The following RIT2 variants were observed in gnomAD, a reference collection of about 807,000 sequenced individuals.
The protein encoded by RIT2 is GTP-binding protein Rit2.
Under a neutral mutation model 23.7 loss-of-function variants are expected in RIT2, and 24 were observed. The observed-to-expected ratio is 1.01, with a 90% confidence interval of 0.73 to 1.43. The LOEUF (loss-of-function observed/expected upper bound fraction) is 1.43, where lower values mean the gene tolerates loss of function less well. Among genes scored for constraint, RIT2 ranks in the 40% most tolerant of loss-of-function variants. The pLI is 0.00. For synonymous variants in RIT2, 107 were observed against 91.1 expected (o/e 1.17, Z -0.99); for missense variants, 236 against 266.9 (o/e 0.88, Z 0.81).
intron 2 of RIT2, among the ~76,000 whole-genome samples, chr18:43,018,552 AC>A (rs893787736): frequency 2.0e-5 from 3 of 151,896 alleles, no homozygotes; most frequent in Admixed American, 1.3e-4. Context: ...ATAGAAGGGA[AC>A]CCCCATCAGA....
rs115746934 is a variant in RIT2, at chr18:43,076,507, A to C, written c.103+38910T>G. Among the ~76,000 whole-genome samples, 695 of 152,278 alleles carry C rather than the reference A, an allele frequency of 4.6e-3. 6 individuals are homozygous for C. The highest frequency in any genetic ancestry group is 0.016 in the African/African-American group (666 of 41,538). ...TGATGTATATGTTGTGTTGTGAGGA[A>C]AGAGGAGTGTAGGGGTGACCAGAAA... On this transcript the variant is annotated intron_variant, in intron 1 of 4. Transcript: ENST00000326695.
At chr18:43,005,959 G>A (rs1228359922) in intron 2 of RIT2, among the ~76,000 whole-genome samples, 1 of 151,740 alleles carries the variant, frequency 6.6e-6, no homozygotes, top group Non-Finnish European at 1.5e-5. Flanking sequence ...AATGAAGATG[G>A]TGAAGTAGAA....
intron 4 of RIT2, among the ~76,000 whole-genome samples, chr18:42,829,070 C>T (rs1598671685): frequency 1.3e-5 from 2 of 152,194 alleles, no homozygotes; most frequent in East Asian, 1.9e-4. Flanking sequence ...TCCTGGGATC[C>T]TTCCTGGATC....
chr18:42,905,469 G>GTTGT (rs936602970), intron 4 of RIT2, among the ~76,000 whole-genome samples: 2 of 152,044 alleles, frequency 1.3e-5, no homozygotes, highest in Admixed American at 6.6e-5. Context: ...GAAAAACATG[G>GTTGT]TTGTTTGTTT....
At chr18:42,831,569 C>T (rs1906458012) in intron 4 of RIT2, among the ~76,000 whole-genome samples, 1 of 151,886 alleles carries the variant, frequency 6.6e-6, no homozygotes, top group African/African-American at 2.4e-5. Flanking sequence ...GGACACGGGG[C>T]TTGTTTGAGG....
intron 1 of RIT2, among the ~76,000 whole-genome samples, chr18:43,078,548 C>T (rs2144344626): frequency 6.6e-6 from 1 of 152,184 alleles, no homozygotes; most frequent in East Asian, 1.9e-4. Context: ...TTCCTTTAAG[C>T]CTCATGGATC....
chr18:42,775,068 C>T (rs770681972), intron 4 of RIT2, among the ~76,000 whole-genome samples: 31 of 152,074 alleles, frequency 2.0e-4, no homozygotes, highest in Non-Finnish European at 3.8e-4. Flanking sequence ...ATTGATATAA[C>T]AGGGAGTCCA....
chr18:42,813,157 G>C (rs1442732516), intron 4 of RIT2, among the ~76,000 whole-genome samples: 1 of 152,136 alleles, frequency 6.6e-6, no homozygotes, highest in African/African-American at 2.4e-5. Flanking sequence ...AGCGTAGTAA[G>C]AATAAATAGA....
At chr18:42,791,421 T>G (rs1281185977) in intron 4 of RIT2, among the ~76,000 whole-genome samples, 1 of 152,238 alleles carries the variant, frequency 6.6e-6, no homozygotes, top group Admixed American at 6.5e-5. Context: ...TAACTGTTTC[T>G]GTTTTATGCT....
intron 4 of RIT2, among the ~76,000 whole-genome samples, chr18:42,863,520 A>C (rs1213677245): frequency 6.6e-6 from 1 of 152,188 alleles, no homozygotes; most frequent in Non-Finnish European, 1.5e-5. Context: ...TCTGTAGTTC[A>C]CTAAAGAAAA....
At chr18:43,097,775 A>G (rs1221431254) in intron 1 of RIT2, among the ~76,000 whole-genome samples, 1 of 151,992 alleles carries the variant, frequency 6.6e-6, no homozygotes, top group African/African-American at 2.4e-5. Context: ...CTTTATTACA[A>G]TGATCTCCAA....
At chr18:42,997,460 GAGA>G (rs1028435492) in intron 2 of RIT2, among the ~76,000 whole-genome samples, 14 of 151,966 alleles carry the variant, frequency 9.2e-5, no homozygotes, top group African/African-American at 2.9e-4. Flanking sequence ...AAAGAAGAGA[GAGA>G]AGAAGGGGGA....
chr18:42,986,584 C>T (rs1421275811), intron 2 of RIT2, among the ~76,000 whole-genome samples: 1 of 151,388 alleles, frequency 6.6e-6, no homozygotes, highest in East Asian at 2.0e-4. Context: ...TCACTGCAAC[C>T]TCCGCCTCCT....
chr18:42,990,296 T>A (rs1910811764), intron 2 of RIT2, among the ~76,000 whole-genome samples: 1 of 152,040 alleles, frequency 6.6e-6, no homozygotes, highest in Admixed American at 6.6e-5. Context: ...ATGGTTTGAA[T>A]GGGGCCCATC....
chr18:42,938,811 T>C (rs1189200314), intron 3 of RIT2, among the ~76,000 whole-genome samples: 1 of 152,076 alleles, frequency 6.6e-6, no homozygotes, highest in South Asian at 2.1e-4. Flanking sequence ...CAATCATAGC[T>C]CACTGCAGCC....
chr18:42,866,004 C>G (rs561091053), intron 4 of RIT2, among the ~76,000 whole-genome samples: 1 of 152,142 alleles, frequency 6.6e-6, no homozygotes, highest in Non-Finnish European at 1.5e-5. Flanking sequence ...GGCTTATCAG[C>G]AAATCCAGAT....
intron 1 of RIT2, among the ~76,000 whole-genome samples, chr18:43,087,562 C>T (rs1477471107): frequency 6.6e-6 from 1 of 152,274 alleles, no homozygotes; most frequent in African/African-American, 2.4e-5. Context: ...TGATTTCCTT[C>T]TCTCTGGTCC....
intron 4 of RIT2, among the ~76,000 whole-genome samples, chr18:42,863,887 G>A (rs1907397953): frequency 6.6e-6 from 1 of 152,108 alleles, no homozygotes; most frequent in East Asian, 1.9e-4. Flanking sequence ...AAACTAGTGA[G>A]AAGCCAAAAT....
At chr18:42,992,584 C>T (rs112239682) in intron 2 of RIT2, among the ~76,000 whole-genome samples, 6 of 152,114 alleles carry the variant, frequency 3.9e-5, no homozygotes, top group East Asian at 1.9e-4. Context: ...CAGCCTCCTC[C>T]GATCCTCCAC....
Sources: gnomAD v4.1 joint callset for allele counts (sites outside exome capture counted in the v4.1 genomes callset) on GRCh38, gnomAD v4.1.1 for gene constraint, MANE v1.5 for transcripts, NCBI Gene and HGNC (gene_info 2026-07-23, HGNC 2026-07-21) for gene names.